The following PHF21A variants were observed in gnomAD, a reference collection of about 807,000 sequenced individuals.
The protein encoded by PHF21A is BHC80a.
PHF21A carries 11 observed loss-of-function variants against 82.5 expected under a neutral mutation model. The observed-to-expected ratio is 0.13, with a 90% confidence interval of 0.08 to 0.22. PHF21A has a LOEUF of 0.22. Ranked by LOEUF, PHF21A falls within the 10% of genes least tolerant of loss-of-function variation. The pLI is 1.00. For missense variants in PHF21A, 579 were observed against 837.8 expected (o/e 0.69, Z 3.81); for synonymous variants, 297 against 302.8 (o/e 0.98, Z 0.20).
At chr11:45,945,588 A>G (rs2091171633) in intron 15 of PHF21A, among the ~76,000 whole-genome samples, 1 of 152,176 alleles carries the variant, frequency 6.6e-6, no homozygotes, top group Non-Finnish European at 1.5e-5. Context: ...ACTCATTCAC[A>G]GTAGATCAAA....
intron 6 of PHF21A, among the ~76,000 whole-genome samples, chr11:46,007,729 A>G (rs1023634230): frequency 6.6e-6 from 1 of 152,220 alleles, no homozygotes; most frequent in Non-Finnish European, 1.5e-5. Context: ...TTAAATCAAA[A>G]AACGATGTGA....
intron 15 of PHF21A, among the ~76,000 whole-genome samples, chr11:45,944,973 G>A (rs1191836975): frequency 6.6e-6 from 1 of 152,176 alleles, no homozygotes; most frequent in Non-Finnish European, 1.5e-5. Flanking sequence ...ATGTTGGCCA[G>A]GCTGGTCTTG....
At chr11:46,017,367 A>T (rs941902034) in intron 6 of PHF21A, among the ~76,000 whole-genome samples, 1 of 152,228 alleles carries the variant, frequency 6.6e-6, no homozygotes, top group Non-Finnish European at 1.5e-5. Context: ...AGAACGACTA[A>T]AGAAGTAGGA....
chr11:45,987,436 C>T (rs931574025), intron 6 of PHF21A, among the ~76,000 whole-genome samples: 2 of 151,372 alleles, frequency 1.3e-5, no homozygotes, highest in African/African-American at 2.4e-5. Flanking sequence ...CCGAGGTGGG[C>T]GAATCACAAG....
In PHF21A at chr11:45,933,409, C is replaced by A. The variant is rs189712482; in HGVS notation, c.*559G>T. 1,356 of 152,876 alleles carry A rather than the reference C, an allele frequency of 8.9e-3. 16 individuals carry two copies. The highest frequency in any genetic ancestry group is 0.014 in the Non-Finnish European group (977 of 68,108). 9.5% of individuals were successfully genotyped at this position (152,876 alleles called of 1,614,324 possible). A position where few individuals can be genotyped will look rare whatever the true frequency, so the allele number is the denominator to read the frequency against. On this transcript the variant is annotated 3_prime_UTR_variant, in exon 19 of 19. Transcript: ENST00000676320. ...ACTGCTTATTTGATACACTGTCCCA[C>A]CCCCTGCTCCCTCCAGCCACTCCCC...
chr11:46,071,496 A>T (rs186609558), intron 6 of PHF21A, among the ~76,000 whole-genome samples: 1 of 152,340 alleles, frequency 6.6e-6, no homozygotes, highest in Admixed American at 6.5e-5. Flanking sequence ...AGTGTAAGTT[A>T]CTTCATCAAG....
At chr11:46,106,319 G>A (rs2097151816) in intron 1 of PHF21A, among the ~76,000 whole-genome samples, 1 of 152,100 alleles carries the variant, frequency 6.6e-6, no homozygotes, top group Non-Finnish European at 1.5e-5. Context: ...AAAAGGGTGG[G>A]GGGGAACCAT....
chr11:46,101,897 T>C (rs1245349668), intron 1 of PHF21A, among the ~76,000 whole-genome samples: 1 of 151,318 alleles, frequency 6.6e-6, no homozygotes, highest in Non-Finnish European at 1.5e-5. Context: ...TCTCGCTCTG[T>C]CGCCAGGCTG....
At chr11:45,943,264 A>C (rs1005310169) in intron 15 of PHF21A, among the ~76,000 whole-genome samples, 2 of 151,842 alleles carry the variant, frequency 1.3e-5, no homozygotes, top group Non-Finnish European at 2.9e-5. Context: ...CTGTGACTAA[A>C]GGGGCACACC....
chr11:45,947,269 C>A (rs1357647951), intron 14 of PHF21A, among the ~76,000 whole-genome samples: 3 of 152,068 alleles, frequency 2.0e-5, no homozygotes, highest in Admixed American at 6.5e-5. Flanking sequence ...AAGGTCATTG[C>A]TTCTAAGCTA....
chr11:46,030,826 T>C (rs914141698), intron 6 of PHF21A, among the ~76,000 whole-genome samples: 2 of 112,322 alleles, frequency 1.8e-5, no homozygotes, highest in African/African-American at 7.2e-5. Context: ...TGTGCGTGTG[T>C]GTGCGTGTGT....
intron 6 of PHF21A, among the ~76,000 whole-genome samples, chr11:46,010,995 C>T (rs958600242): frequency 1.3e-5 from 2 of 152,168 alleles, no homozygotes; most frequent in Non-Finnish European, 2.9e-5. Context: ...CACACACACA[C>T]ACCCCTCTCA....
intron 6 of PHF21A, among the ~76,000 whole-genome samples, chr11:46,007,651 A>G (rs1018106391): frequency 4.6e-5 from 7 of 152,068 alleles, no homozygotes; most frequent in African/African-American, 1.7e-4. Flanking sequence ...TGTTAATTTT[A>G]TTCACATTAA....
chr11:45,939,114 G>A (rs1248415276), intron 15 of PHF21A, among the ~76,000 whole-genome samples: 2 of 152,208 alleles, frequency 1.3e-5, no homozygotes, highest in African/African-American at 2.4e-5. Flanking sequence ...TTACAGGCGT[G>A]AGCCACTGCA....
chr11:46,030,469 C>A lies in PHF21A; in HGVS notation c.153+46285G>T, dbSNP rs184241947. On this transcript the variant is annotated intron_variant, in intron 6 of 18. Transcript: ENST00000676320. ...TGGGGGCTAATATCAGATTTCAATA[C>A]CAGCATTTTAAAAAGATCCAAAAAG... 2.2e-4 allele frequency among the ~76,000 whole-genome samples: 34 copies of A among 152,206 alleles called. 1 individual carries two copies. Among genetic ancestry groups the A allele is most frequent in the East Asian group, 2.1e-3 (11 of 5,186 alleles).
At chr11:45,953,664 T>C (rs1212800656) in intron 10 of PHF21A, 39 bp from the exon 11 acceptor site, 2 of 1,391,874 alleles carry the variant, frequency 1.4e-6, no homozygotes, top group African/African-American at 2.8e-5. Flanking sequence ...AGAATTCGTT[T>C]TTTATTAAAA....
At chr11:45,977,479 T>C (rs549465749) in intron 7 of PHF21A, among the ~76,000 whole-genome samples, 1 of 152,292 alleles carries the variant, frequency 6.6e-6, no homozygotes, top group South Asian at 2.1e-4. Flanking sequence ...GAACAGGATG[T>C]TTCCATGGGT....
chr11:46,053,563 G>C (rs2096403474), intron 6 of PHF21A, among the ~76,000 whole-genome samples: 2 of 151,804 alleles, frequency 1.3e-5, no homozygotes, highest in African/African-American at 4.8e-5. Context: ...ACCATGACTG[G>C]TAAAAAGAAC....
chr11:45,951,570 C>T (rs2092117023), intron 11 of PHF21A, among the ~76,000 whole-genome samples: 1 of 152,158 alleles, frequency 6.6e-6, no homozygotes, highest in Admixed American at 6.5e-5. Context: ...TTTGTGGTTG[C>T]CAACTAACTA....
Sources: allele counts gnomAD v4.1 joint callset (sites outside exome capture counted in the v4.1 genomes callset), GRCh38; gene constraint gnomAD v4.1.1; transcripts MANE v1.5; gene names NCBI Gene and HGNC (gene_info 2026-07-23, HGNC 2026-07-21).